LDLRAD3: variants seen among roughly 807,000 people sequenced by gnomAD.
The protein encoded by LDLRAD3 is low density lipoprotein receptor class A domain containing 3.
In LDLRAD3, 20 loss-of-function variants were observed where a neutral mutation model predicts 29.4. That is an observed-to-expected ratio of 0.68 (90% CI 0.48 to 0.99). LDLRAD3 has a LOEUF of 0.99. LDLRAD3 is among the 50% of genes least tolerant of loss of function. The pLI, the probability that LDLRAD3 is intolerant of heterozygous loss-of-function variation, is 0.00. For synonymous variants in LDLRAD3, 157 were observed against 192.7 expected, an observed-to-expected ratio of 0.81 and a Z score of 1.53; for missense variants, 420 against 454.3, an observed-to-expected ratio of 0.92 and a Z score of 0.69.
chr11:36,106,315 C>T (rs1450556109), intron 4 of LDLRAD3, among the ~76,000 whole-genome samples: 1 of 152,150 alleles, frequency 6.6e-6, no homozygotes, highest in Non-Finnish European at 1.5e-5. Context: ...CTTCCATGTT[C>T]CTTGAAAGCC....
rs189821498 is a variant in LDLRAD3 at position 36,207,985 on chromosome 11, C to G, written c.455-19100C>G. On this transcript the variant is annotated intron_variant, in intron 4 of 5. Transcript: ENST00000315571. Reference sequence around the variant, plus strand: ...AGAAAAGTTTGGAAATAGATAGATCCTGGTTATAAATAAATCATTTCTACA... The same window carrying G: ...AGAAAAGTTTGGAAATAGATAGATCGTGGTTATAAATAAATCATTTCTACA... Among the ~76,000 whole-genome samples, 673 of 148,850 alleles carry G rather than the reference C, an allele frequency of 4.5e-3. 10 individuals are homozygous for G. Among genetic ancestry groups the G allele is most frequent in the Non-Finnish European group, 4.3e-3 (290 of 66,808 alleles).
intron 1 of LDLRAD3, among the ~76,000 whole-genome samples, chr11:35,981,459 G>T (rs2133157302): frequency 6.6e-6 from 1 of 152,278 alleles, no homozygotes; most frequent in Non-Finnish European, 1.5e-5. Context: ...AACAATGGGG[G>T]TGTCCTTGGC....
chr11:36,135,638 C>T (rs771268301), intron 4 of LDLRAD3, among the ~76,000 whole-genome samples: 2 of 152,184 alleles, frequency 1.3e-5, no homozygotes, highest in Admixed American at 1.3e-4. Flanking sequence ...GGGTTGGGCA[C>T]GGTGGCTCAC....
intron 4 of LDLRAD3, among the ~76,000 whole-genome samples, chr11:36,128,895 G>T (rs919785853): frequency 6.6e-6 from 1 of 151,928 alleles, no homozygotes; most frequent in African/African-American, 2.4e-5. Flanking sequence ...CCCTAGCATC[G>T]GTGGAACAGT....
chr11:36,000,706 G>T (rs1276273053), intron 1 of LDLRAD3, among the ~76,000 whole-genome samples: 1 of 152,154 alleles, frequency 6.6e-6, no homozygotes, highest in Non-Finnish European at 1.5e-5. Flanking sequence ...AGGAAGGCAG[G>T]TGGAACCTTG....
At chr11:36,107,224 G>C (rs1853541821) in intron 4 of LDLRAD3, among the ~76,000 whole-genome samples, 1 of 149,920 alleles carries the variant, frequency 6.7e-6, no homozygotes, top group African/African-American at 2.5e-5. Context: ...TTTTGAGACA[G>C]AGTTTCACTC....
At chr11:36,078,069 G>T (rs577933006) in intron 2 of LDLRAD3, among the ~76,000 whole-genome samples, 1 of 152,272 alleles carries the variant, frequency 6.6e-6, no homozygotes, top group African/African-American at 2.4e-5. Flanking sequence ...TCAGCAGAGA[G>T]GGTAGCTCCT....
chr11:36,184,321 C>T (rs1854813936), intron 4 of LDLRAD3, among the ~76,000 whole-genome samples: 1 of 152,030 alleles, frequency 6.6e-6, no homozygotes, highest in African/African-American at 2.4e-5. Context: ...TCAAGCTTTG[C>T]TTTTATTTCT....
chr11:35,993,073 A>T (rs920077721), intron 1 of LDLRAD3, among the ~76,000 whole-genome samples: 1 of 152,328 alleles, frequency 6.6e-6, no homozygotes, highest in Non-Finnish European at 1.5e-5. Context: ...GATTTAAAAA[A>T]TGGCGTCCCA....
chr11:36,049,573 A>T (rs943078539), intron 2 of LDLRAD3, among the ~76,000 whole-genome samples: 1 of 152,194 alleles, frequency 6.6e-6, no homozygotes, highest in Admixed American at 6.5e-5. Flanking sequence ...AGCTTTTGAC[A>T]TGGTTAATGT....
chr11:35,977,560 A>G (rs939450195), intron 1 of LDLRAD3, among the ~76,000 whole-genome samples: 4 of 152,164 alleles, frequency 2.6e-5, no homozygotes, highest in Non-Finnish European at 4.4e-5. Flanking sequence ...AAGCAGCTTT[A>G]CTAGAGGAAT....
chr11:35,949,703 T>G (rs1851106891), intron 1 of LDLRAD3, among the ~76,000 whole-genome samples: 1 of 152,240 alleles, frequency 6.6e-6, no homozygotes, highest in African/African-American at 2.4e-5. Context: ...AGCTGTCGTT[T>G]TGCTTTGCTC....
At chr11:36,173,029 C>T (rs186547163) in intron 4 of LDLRAD3, among the ~76,000 whole-genome samples, 130 of 152,102 alleles carry the variant, frequency 8.5e-4, no homozygotes, top group Non-Finnish European at 9.0e-4. Context: ...GTTTAGAGTT[C>T]CTTTTTCTTC....
chr11:36,046,273 C>T (rs553421828), intron 2 of LDLRAD3, among the ~76,000 whole-genome samples: 54 of 152,310 alleles, frequency 3.5e-4, no homozygotes, highest in Admixed American at 7.2e-4. Context: ...CCATGCAAGA[C>T]GTGGCTTTGC....
chr11:35,967,419 C>T (rs1458141702), intron 1 of LDLRAD3: 1 of 307,192 alleles, frequency 3.3e-6, no homozygotes, highest in Admixed American at 4.7e-5. Context: ...AATGTCCTTA[C>T]TCCTTCAGCC....
chr11:35,976,680 A>G (rs908008486), intron 1 of LDLRAD3, among the ~76,000 whole-genome samples: 3 of 152,072 alleles, frequency 2.0e-5, no homozygotes, highest in Admixed American at 2.0e-4. Flanking sequence ...ACTGAGTTGA[A>G]TAACACAAAG....
chr11:36,156,030 T>A (rs2133332562), intron 4 of LDLRAD3, among the ~76,000 whole-genome samples: 1 of 152,314 alleles, frequency 6.6e-6, no homozygotes, highest in African/African-American at 2.4e-5. Flanking sequence ...TCAATCCTAG[T>A]TGCACATTAG....
intron 4 of LDLRAD3, among the ~76,000 whole-genome samples, chr11:36,224,649 A>C (rs1375060314): frequency 6.6e-6 from 1 of 152,122 alleles, no homozygotes; most frequent in African/African-American, 2.4e-5. Context: ...ACCACCACGG[A>C]CTTGGAGAAT....
chr11:35,999,466 C>T (rs1395761230), intron 1 of LDLRAD3, among the ~76,000 whole-genome samples: 3 of 152,146 alleles, frequency 2.0e-5, no homozygotes, highest in African/African-American at 7.2e-5. Context: ...CTCTCCAGAA[C>T]CGAGCCTGCC....
Sources: allele counts gnomAD v4.1 joint callset (sites outside exome capture counted in the v4.1 genomes callset), GRCh38; gene constraint gnomAD v4.1.1; transcripts MANE v1.5; gene names NCBI Gene and HGNC (gene_info 2026-07-23, HGNC 2026-07-21).